Variants in ABHD14A observed in about 807,000 individuals in gnomAD.
ABHD14A encodes abhydrolase domain containing 14A, also known as protein ABHD14A.
In ABHD14A, 19 loss-of-function variants were observed where a neutral mutation model predicts 27.0. The observed-to-expected ratio is 0.70, with a 90% CI of 0.49 to 1.03. The LOEUF is 1.03. Ranked by LOEUF, ABHD14A falls within the 50% of genes least tolerant of loss-of-function variation. The pLI is 0.00. For missense variants in ABHD14A, 311 were observed against 344.6 expected (o/e 0.90, Z 0.77); for synonymous variants, 148 against 158.8 (o/e 0.93, Z 0.51).
At chr3:51,975,289 AG>A in intron 1 of ABHD14A, 85 bp downstream of exon 1, 2 of 1,191,362 alleles carry the variant, frequency 1.7e-6, no homozygotes, top group Non-Finnish European at 2.1e-6. Context: ...GCCCCGGGGC[AG>A]AGTCCCGCGG....
At position 51,977,899 on chromosome 3, in the gene ABHD14A, C is replaced by G. The variant is rs750040570; in HGVS notation, c.98C>G (p.Ser33Cys). The G allele has an allele frequency of 8.7e-6, 14 of 1,613,902 alleles. No homozygotes were observed. The East Asian group carries it at 3.1e-4, about 36-fold the overall frequency. ...PTVVQTSMSR[S>C]QVALLGLSLL... is the part of the protein sequence containing the mutation. ...GTGGTACAGACCTCCATGAGCCGGT[C>G]CCAGGTAGCCCTGCTGGGCCTGAGT... is the stretch of plus-strand genomic sequence containing the variant. Residue 33 changes from serine (S) to cysteine (C), a missense_variant, in exon 2 of 5, where the codon TCC becomes TGC. Ser to Cys is a moderately radical substitution (Grantham distance 112). Coordinates refer to ENST00000273596, the MANE Select transcript of ABHD14A (RefSeq NM_015407.5).
chr3:51,975,956 C>G (rs1486268741), intron 1 of ABHD14A, among the ~76,000 whole-genome samples: 2 of 152,258 alleles, frequency 1.3e-5, no homozygotes, highest in African/African-American at 2.4e-5. Flanking sequence ...CCCTGCCCCC[C>G]GCAAACCCCC....
intron 3 of ABHD14A, among the ~76,000 whole-genome samples, chr3:51,980,015 G>T (rs1053025308): frequency 1.1e-4 from 17 of 150,350 alleles, no homozygotes; most frequent in African/African-American, 2.9e-4. Context: ...TCCGCCCCCC[G>T]GGGTTCATGC....
Position 51,981,042 on chromosome 3 carries a change from C to T in ABHD14A, c.*24C>T, listed in dbSNP as rs368745237. 2 of 1,598,608 alleles carry T rather than the reference C, an allele frequency of 1.3e-6. No individual in the cohort carries two copies. Among genetic ancestry groups the T allele is most frequent in the South Asian group, 1.1e-5 (1 of 90,414 alleles). On this transcript the variant is annotated 3_prime_UTR_variant, in exon 5 of 5. Transcript: ENST00000273596. ...GAACTAACCCACTCCCAGCTCCCAG[C>T]CTGGCATGAGCTTGGACAGTCTGGA... is the stretch of plus-strand genomic sequence containing the variant.
chr3:51,977,798 G>C, intron 1 of ABHD14A, 73 bp from the exon 2 acceptor site: 6 of 1,414,810 alleles, frequency 4.2e-6, no homozygotes, highest in Non-Finnish European at 5.9e-6. Flanking sequence ...TCTGGGTGGG[G>C]TTTTGGGATG....
intron 1 of ABHD14A, among the ~76,000 whole-genome samples, chr3:51,976,756 A>G (rs1700796339): frequency 6.6e-6 from 1 of 152,174 alleles, no homozygotes; most frequent in South Asian, 2.1e-4. Flanking sequence ...CCAAGAAATG[A>G]CAGGGACAGC....
rs778384645 is a variant in ABHD14A at position 51,980,954 on chromosome 3, G to C, written c.752G>C (p.Cys251Ser). ...VVKLRNAGHA[C>S]YLHKPQDFHL... is the part of the protein sequence containing the mutation. ...AAGCTACGCAATGCAGGCCATGCCT[G>C]TTACCTCCACAAGCCGCAAGACTTC... The change falls in exon 5 of 5, where the codon TGT (cysteine) becomes TCT (serine). Residue 251 changes from cysteine (C) to serine (S), a missense_variant. By Grantham distance (112) the Cys-to-Ser change is moderately radical (BLOSUM62 -1). Coordinates refer to ENST00000273596, the MANE Select transcript of ABHD14A (RefSeq NM_015407.5). The C allele has an allele frequency of 6.2e-7, 1 of 1,613,900 alleles. No individual in the cohort carries two copies. Among genetic ancestry groups the C allele is most frequent in the Non-Finnish European group, 8.5e-7 (1 of 1,179,938 alleles).
chr3:51,977,547 G>A (rs1422272458), intron 1 of ABHD14A, among the ~76,000 whole-genome samples: 22 of 152,202 alleles, frequency 1.4e-4, no homozygotes, highest in Non-Finnish European at 1.5e-5. Context: ...TGTATGTGAA[G>A]TGCCACACTC....
In ABHD14A at chr3:51,980,463, G is replaced by C. The variant is rs368171899; in HGVS notation, c.468G>C (p.Ala156=). Residue 156 remains alanine, a synonymous_variant, in exon 4 of 5, where the codon GCG becomes GCC. Transcript: ENST00000273596. The part of the protein sequence containing the change: ...EAGRAALLER[A]LRDLEVQNAV... ...GGCGGGCAGCGCTGCTGGAGCGGGCGCTGCGGGACCTGGAGGTACAGAATG... is the reference window on the plus strand; with the variant it reads ...GGCGGGCAGCGCTGCTGGAGCGGGCCCTGCGGGACCTGGAGGTACAGAATG... 1.9e-6 allele frequency: 3 copies of C among 1,613,530 alleles called. No homozygotes were observed. In the African/African-American group the frequency reaches 4.0e-5, roughly 22 times the overall value.
At chr3:51,977,510 C>G (rs143216411) in intron 1 of ABHD14A, among the ~76,000 whole-genome samples, 1 of 152,278 alleles carries the variant, frequency 6.6e-6, no homozygotes, top group African/African-American at 2.4e-5. Context: ...ACGTCTGCTC[C>G]CCAGCATTCT....
At chr3:51,978,979 A>C (rs1047137690) in intron 3 of ABHD14A, 4 of 276,908 alleles carry the variant, frequency 1.4e-5, no homozygotes. Flanking sequence ...TCATTAAAAA[A>C]ATGAAAAAAT....
chr3:51,976,959 C>T (rs1700800197), intron 1 of ABHD14A, among the ~76,000 whole-genome samples: 1 of 152,132 alleles, frequency 6.6e-6, no homozygotes, highest in Non-Finnish European at 1.5e-5. Context: ...GAGGAGTCCA[C>T]GAAGCAGTCA....
chr3:51,975,203 C>G lies in ABHD14A; in HGVS notation c.68C>G (p.Pro23Arg), dbSNP rs779857203. Residue 23 changes from proline to arginine, a missense_variant and splice_region_variant, in exon 1 of 5, where the codon CCG becomes CGG. Pro to Arg is a moderately radical substitution (Grantham distance 103). Transcript: ENST00000273596. ...GGARPLIPLG[P>R]TVVQTSMSRS... ...GCCCGCCCGCTCATCCCGTTGGGCC[C>G]GGTGAGTCTCCCGGGGGAGGGAGGC... The G allele has an allele frequency of 9.3e-5, 118 of 1,262,462 alleles. No individual in the cohort carries two copies. The highest frequency in any genetic ancestry group is 4.5e-4 in the Admixed American group (11 of 24,348). 78.2% of individuals were successfully genotyped at this position (1,262,462 alleles called of 1,614,324 possible). A position where few individuals can be genotyped will look rare whatever the true frequency, so the allele number is the denominator to read the frequency against.
At chr3:51,980,290 G>A (rs760859465) in intron 3 of ABHD14A, 103 bp from the exon 4 acceptor site, 3 of 981,630 alleles carry the variant, frequency 3.1e-6, no homozygotes, top group African/African-American at 3.2e-5. Context: ...TAGGTAGTGT[G>A]TGCCAGTGCC....
chr3:51,975,935 G>A (rs1559774232), intron 1 of ABHD14A, among the ~76,000 whole-genome samples: 1 of 152,222 alleles, frequency 6.6e-6, no homozygotes, highest in Non-Finnish European at 1.5e-5. Flanking sequence ...ACCTAACCCG[G>A]GCACAGTTTA....
chr3:51,976,325 T>C (rs893274975), intron 1 of ABHD14A, among the ~76,000 whole-genome samples: 1 of 152,118 alleles, frequency 6.6e-6, no homozygotes, highest in African/African-American at 2.4e-5. Flanking sequence ...GAGGGATGAA[T>C]AGGAACCAAG....
In ABHD14A at chr3:51,977,869, A is replaced by G. The variant is rs771379326; in HGVS notation, c.70-2A>G. On this transcript the variant is annotated splice_acceptor_variant, in intron 1 of 4. Coordinates refer to ENST00000273596, the MANE Select transcript of ABHD14A (RefSeq NM_015407.5). LOFTEE classifies it high-confidence loss of function. The stretch of plus-strand genomic sequence containing the variant: ...TCTTTTCCCTCTCCTCTCCCTCTCC[A>G]GACTGTGGTACAGACCTCCATGAGC... The G allele has an allele frequency of 6.2e-7, 1 of 1,608,766 alleles. No homozygotes were observed. Among genetic ancestry groups the G allele is most frequent in the East Asian group, 2.2e-5 (1 of 44,720 alleles).
chr3:51,980,843 C>A lies in ABHD14A; in HGVS notation c.641C>A (p.Thr214Asn), dbSNP rs951953065. ...QEQFWAVKTPTLILYGELDHI... is the reference protein window; with the variant it reads ...QEQFWAVKTPNLILYGELDHI... Reference sequence around the variant, plus strand: ...CCCTGCCTTGCCCTGCAGACTCCAACCCTTATCCTGTATGGAGAGCTGGAC... The same window carrying A: ...CCCTGCCTTGCCCTGCAGACTCCAAACCTTATCCTGTATGGAGAGCTGGAC... The change falls in exon 5 of 5, where the codon ACC (threonine) becomes AAC (asparagine). Residue 214 changes from threonine (T) to asparagine (N), a missense_variant. Coordinates refer to ENST00000273596, the MANE Select transcript of ABHD14A (RefSeq NM_015407.5). 6.2e-7 allele frequency: 1 copy of A among 1,613,588 alleles called. No individual in the cohort carries two copies. The highest frequency in any genetic ancestry group is 1.3e-5 in the African/African-American group (1 of 75,050).
chr3:51,978,309 A>T lies in ABHD14A; in HGVS notation c.332A>T (p.Glu111Val), dbSNP rs1391568338. ...AAGGCCTTTAACTCTCACACGTGGG[A>T]GCAGCTGGGCACACTGCAGCTACTG... ...HGKAFNSHTWEQLGTLQLLSQ... is the reference protein window; with the variant it reads ...HGKAFNSHTWVQLGTLQLLSQ... Residue 111 changes from glutamate to valine, a missense_variant, in exon 3 of 5, where the codon GAG becomes GTG. Physicochemically the swap from Glu to Val is moderately radical, Grantham distance 121. Coordinates refer to ENST00000273596, the MANE Select transcript of ABHD14A (RefSeq NM_015407.5). 3.2e-6 allele frequency: 5 copies of T among 1,551,638 alleles called. No individual in the cohort carries two copies. In the African/African-American group the frequency reaches 5.5e-5, roughly 17 times the overall value.
Sources: allele counts gnomAD v4.1 joint callset (sites outside exome capture counted in the v4.1 genomes callset), GRCh38; gene constraint gnomAD v4.1.1; transcripts MANE v1.5; gene names NCBI Gene and HGNC (gene_info 2026-07-23, HGNC 2026-07-21).